LHPP: variants seen among roughly 807,000 people sequenced by gnomAD.
LHPP encodes the protein phospholysine phosphohistidine inorganic pyrophosphate phosphatase, also known as hLHPP.
LHPP carries 24 observed loss-of-function variants against 30.3 expected under a neutral mutation model. The ratio of observed to expected loss-of-function variants is 0.79; its 90% confidence interval spans 0.57 to 1.11. The LOEUF (loss-of-function observed/expected upper bound fraction) is 1.11. Among genes scored for constraint, LHPP ranks in the 50% most tolerant of loss-of-function variants. LHPP has a pLI of 0.00. For missense variants in LHPP, 356 were observed against 367.2 expected (o/e 0.97, Z 0.25); for synonymous variants, 150 against 157.1 (o/e 0.95, Z 0.34).
At chr10:124,520,991 TAGAAA>T (rs1954596032) in intron 6 of LHPP, among the ~76,000 whole-genome samples, 1 of 152,246 alleles carries the variant, frequency 6.6e-6, no homozygotes, top group Non-Finnish European at 1.5e-5. Flanking sequence ...ACGTGGCTAC[TAGAAA>T]AGGTTCGCTG....
At chr10:124,559,796 C>T (rs1948362402) in intron 6 of LHPP, among the ~76,000 whole-genome samples, 1 of 152,262 alleles carries the variant, frequency 6.6e-6, no homozygotes, top group African/African-American at 2.4e-5. Context: ...GTGGCACAGG[C>T]CTTCCCTTGC....
chr10:124,473,719 G>A (rs1290607374), intron 1 of LHPP, among the ~76,000 whole-genome samples: 2 of 152,146 alleles, frequency 1.3e-5, no homozygotes, highest in South Asian at 2.1e-4. Flanking sequence ...TTGGGAGGCC[G>A]AGGCAAGTGG....
At chr10:124,509,391 C>T (rs993162338) in intron 5 of LHPP, among the ~76,000 whole-genome samples, 22 of 152,092 alleles carry the variant, frequency 1.4e-4, no homozygotes, top group Non-Finnish European at 2.5e-4. Context: ...CTTGTATGTA[C>T]ATCCTCTTGT....
intron 6 of LHPP, among the ~76,000 whole-genome samples, chr10:124,594,172 A>C (rs1038997695): frequency 3.3e-5 from 5 of 152,074 alleles, no homozygotes; most frequent in African/African-American, 1.2e-4. Flanking sequence ...TACTAAAAAT[A>C]CAAAAAAACT....
chr10:124,601,593 G>A (rs957875296), intron 6 of LHPP, among the ~76,000 whole-genome samples: 4 of 152,246 alleles, frequency 2.6e-5, no homozygotes, highest in African/African-American at 7.2e-5. Flanking sequence ...CAGCCCCTGC[G>A]GTGCCCGCAG....
intron 6 of LHPP, among the ~76,000 whole-genome samples, chr10:124,558,097 AC>A (rs1382425530): frequency 6.6e-6 from 1 of 152,124 alleles, no homozygotes; most frequent in Non-Finnish European, 1.5e-5. Context: ...AGAAGCAGCC[AC>A]GTGGCTCCGT....
intron 1 of LHPP, among the ~76,000 whole-genome samples, chr10:124,467,683 G>T (rs1478397651): frequency 1.4e-5 from 2 of 146,586 alleles, no homozygotes; most frequent in African/African-American, 5.1e-5. Flanking sequence ...CCACATGCAG[G>T]TTTTTCTTTT....
intron 6 of LHPP, among the ~76,000 whole-genome samples, chr10:124,559,709 G>A (rs1049806912): frequency 6.6e-6 from 1 of 152,248 alleles, no homozygotes; most frequent in Non-Finnish European, 1.5e-5. Context: ...GGACTTCCTC[G>A]GCCAGTCTGG....
chr10:124,483,241 A>G (rs559253508), intron 1 of LHPP, among the ~76,000 whole-genome samples: 1 of 152,224 alleles, frequency 6.6e-6, no homozygotes, highest in South Asian at 2.1e-4. Flanking sequence ...ACCTTTCTCC[A>G]TTGACAGTGA....
chr10:124,509,183 G>C (rs1484164264), intron 5 of LHPP, among the ~76,000 whole-genome samples: 1 of 152,186 alleles, frequency 6.6e-6, no homozygotes. Flanking sequence ...TTCCATCCCT[G>C]TAGCTGCAAA....
chr10:124,484,980 G>C (rs1953276817), intron 2 of LHPP, among the ~76,000 whole-genome samples: 1 of 152,154 alleles, frequency 6.6e-6, no homozygotes, highest in South Asian at 2.1e-4. Context: ...AGCAATTCCA[G>C]ACACTTCTCC....
At chr10:124,482,074 A>G (rs1953154645) in intron 1 of LHPP, among the ~76,000 whole-genome samples, 1 of 152,180 alleles carries the variant, frequency 6.6e-6, no homozygotes, top group African/African-American at 2.4e-5. Context: ...CCTCACCCAT[A>G]ACATGGATAA....
chr10:124,485,828 T>A (rs760635745), intron 2 of LHPP, among the ~76,000 whole-genome samples: 4 of 152,160 alleles, frequency 2.6e-5, no homozygotes, highest in Non-Finnish European at 4.4e-5. Flanking sequence ...CTTAAACTCC[T>A]GACCTCAGGT....
chr10:124,586,493 T>A (rs1432734801), intron 6 of LHPP, among the ~76,000 whole-genome samples: 1 of 152,072 alleles, frequency 6.6e-6, no homozygotes, highest in Non-Finnish European at 1.5e-5. Context: ...CCCAGATTTG[T>A]GGGGAAGACA....
chr10:124,576,065 T>C lies in LHPP; in HGVS notation c.717-37199T>C. On this transcript the variant is annotated intron_variant, in intron 6 of 6. Coordinates refer to ENST00000368842, the MANE Select transcript of LHPP (RefSeq NM_022126.4). This position sits in a 1 kb window ranked among gnomAD's most constrained non-coding sequence, Gnocchi z 4.2. ...GAAAGAAATGGGGGTTCCCACTGGA[T>C]TGGTCGTTTCTGCATTGTCCGGAGC... Among the ~76,000 whole-genome samples the C allele has an allele frequency of 6.6e-6, 1 of 152,120 alleles. No homozygotes were observed. Among genetic ancestry groups the C allele is most frequent in the Non-Finnish European group, 1.5e-5 (1 of 68,006 alleles).
chr10:124,515,795 G>T (rs1011693749), intron 5 of LHPP, among the ~76,000 whole-genome samples: 8 of 152,222 alleles, frequency 5.3e-5, no homozygotes, highest in African/African-American at 1.9e-4. Context: ...AGCCTGGCTG[G>T]TGGGGACATA....
chr10:124,540,071 G>A (rs1315031081), intron 6 of LHPP, among the ~76,000 whole-genome samples: 1 of 152,170 alleles, frequency 6.6e-6, no homozygotes, highest in African/African-American at 2.4e-5. Flanking sequence ...ATTATTTAGG[G>A]AAACTTGGGT....
intron 1 of LHPP, among the ~76,000 whole-genome samples, chr10:124,477,786 T>G (rs1298692485): frequency 6.6e-6 from 1 of 152,170 alleles, no homozygotes; most frequent in Non-Finnish European, 1.5e-5. Context: ...CAGCCTCACT[T>G]TGTGGGCCAG....
intron 3 of LHPP, among the ~76,000 whole-genome samples, chr10:124,493,452 A>G (rs1459778917): frequency 1.3e-5 from 2 of 152,206 alleles, no homozygotes; most frequent in Non-Finnish European, 2.9e-5. Flanking sequence ...GCGCCGGGGC[A>G]GACTGTCCCT....
Sources: allele counts gnomAD v4.1 joint callset (sites outside exome capture counted in the v4.1 genomes callset), GRCh38; gene constraint gnomAD v4.1.1; non-coding constraint Gnocchi (gnomAD v3.1); transcripts MANE v1.5; gene names NCBI Gene and HGNC (gene_info 2026-07-23, HGNC 2026-07-21).